CADM1: variants seen among roughly 807,000 people sequenced by gnomAD.
The protein encoded by CADM1 is TSLC-1.
CADM1 carries 15 observed loss-of-function variants against 53.1 expected under a neutral mutation model. That is an observed-to-expected ratio of 0.28 (90% CI 0.19 to 0.44). CADM1 has a LOEUF of 0.44. Among genes scored for constraint, CADM1 ranks in the 20% least tolerant of loss-of-function variants. CADM1 has a pLI of 1.00. For missense variants in CADM1, 434 were observed against 611.3 expected (o/e 0.71, Z 3.06); for synonymous variants, 281 against 243.0 (o/e 1.16, Z -1.45).
At chr11:115,471,797 T>A (rs1414875316) in intron 1 of CADM1, among the ~76,000 whole-genome samples, 2 of 152,176 alleles carry the variant, frequency 1.3e-5, no homozygotes, top group Non-Finnish European at 2.9e-5. Context: ...TACTTTAGCT[T>A]TCAATCTGCA....
intron 1 of CADM1, among the ~76,000 whole-genome samples, chr11:115,379,288 A>T (rs1230304862): frequency 6.6e-6 from 1 of 152,244 alleles, no homozygotes; most frequent in Admixed American, 6.5e-5. Context: ...AAAGATATGT[A>T]ATACTGAAGA....
rs1938831664 is a variant in CADM1 at position 115,172,693 on chromosome 11, C to T, written c.*3781G>A. Reference sequence around the variant, plus strand: ...TCTCTGCATCCCTCACCATGCTGGACATACAGCAGGTGCTCAATAACTGCA... The same window carrying T: ...TCTCTGCATCCCTCACCATGCTGGATATACAGCAGGTGCTCAATAACTGCA... On this transcript the variant is annotated 3_prime_UTR_variant, in exon 12 of 12. Transcript: ENST00000331581. The T allele has an allele frequency of 6.7e-6, 1 of 148,152 alleles. No individual in the cohort carries two copies. The highest frequency in any genetic ancestry group is 6.9e-5 in the Admixed American group (1 of 14,448). The allele number at this position is 148,152 out of a possible 1,614,324, so 9.2% of individuals were successfully genotyped here.
intron 7 of CADM1, among the ~76,000 whole-genome samples, chr11:115,212,674 AC>A (rs1236998632): frequency 6.6e-6 from 1 of 152,246 alleles, no homozygotes; most frequent in East Asian, 1.9e-4. Context: ...AAGAGAATAT[AC>A]AAAGAAAGAC....
chr11:115,185,900 G>A (rs951118755), intron 10 of CADM1, among the ~76,000 whole-genome samples: 2 of 152,172 alleles, frequency 1.3e-5, no homozygotes, highest in Admixed American at 6.5e-5. Context: ...GTGTGAGGAG[G>A]ATGGATTAAT....
intron 3 of CADM1, among the ~76,000 whole-genome samples, chr11:115,237,337 G>C (rs1942045338): frequency 6.6e-6 from 1 of 152,144 alleles, no homozygotes; most frequent in Non-Finnish European, 1.5e-5. Context: ...ATTAGAAATT[G>C]TATGGACTGG....
At chr11:115,308,737 CTTT>C (rs1259423285) in intron 1 of CADM1, among the ~76,000 whole-genome samples, 1 of 151,376 alleles carries the variant, frequency 6.6e-6, no homozygotes, top group African/African-American at 2.4e-5. Context: ...CCCTCCCTCC[CTTT>C]TTCCTTTCCT....
chr11:115,301,432 T>TA (rs1415637684), intron 1 of CADM1, among the ~76,000 whole-genome samples: 1 of 152,056 alleles, frequency 6.6e-6, no homozygotes, highest in Non-Finnish European at 1.5e-5. Context: ...TTACTAGTCT[T>TA]ACTTGAAGTC....
chr11:115,499,668 G>A (rs1458037569), intron 1 of CADM1, among the ~76,000 whole-genome samples: 5 of 152,228 alleles, frequency 3.3e-5, no homozygotes, highest in African/African-American at 7.2e-5. Context: ...AGGATCTGTC[G>A]TTAACCTAGC....
At chr11:115,338,925 A>C (rs1308385198) in intron 1 of CADM1, among the ~76,000 whole-genome samples, 2 of 114,850 alleles carry the variant, frequency 1.7e-5, no homozygotes, top group East Asian at 2.6e-4. Context: ...TCTAAGTTTT[A>C]GGGTACATGT....
At chr11:115,487,109 T>G (rs1273772913) in intron 1 of CADM1, among the ~76,000 whole-genome samples, 1 of 152,214 alleles carries the variant, frequency 6.6e-6, no homozygotes, top group East Asian at 1.9e-4. Context: ...TGCTCCAGCC[T>G]TGTTGTTTGG....
intron 1 of CADM1, among the ~76,000 whole-genome samples, chr11:115,270,520 G>C (rs1436351772): frequency 6.6e-6 from 1 of 152,088 alleles, no homozygotes. Flanking sequence ...TACAGGATTT[G>C]CTTTATTGGT....
At chr11:115,207,354 T>C (rs943319740) in intron 8 of CADM1, 27 of 152,202 alleles carry the variant, frequency 1.8e-4, no homozygotes, top group African/African-American at 5.3e-4. Context: ...AAGTTTCTGT[T>C]AGAGGTACCT....
chr11:115,177,701 T>C (rs1196984296), intron 11 of CADM1, among the ~76,000 whole-genome samples: 1 of 151,470 alleles, frequency 6.6e-6, no homozygotes, highest in Non-Finnish European at 1.5e-5. Flanking sequence ...GGCTGGGAGC[T>C]CTTGGCCAAA....
chr11:115,279,870 C>A (rs1014219478), intron 1 of CADM1, among the ~76,000 whole-genome samples: 1 of 152,108 alleles, frequency 6.6e-6, no homozygotes, highest in South Asian at 2.1e-4. Context: ...TAGCTCCTAC[C>A]CAGCTCATCA....
chr11:115,378,295 G>A (rs1273859679), intron 1 of CADM1, among the ~76,000 whole-genome samples: 1 of 152,026 alleles, frequency 6.6e-6, no homozygotes, highest in African/African-American at 2.4e-5. Context: ...AGTCAATTCC[G>A]CCACCTTGTC....
chr11:115,431,976 T>C (rs1376157965), intron 1 of CADM1, among the ~76,000 whole-genome samples: 1 of 151,774 alleles, frequency 6.6e-6, no homozygotes, highest in African/African-American at 2.4e-5. Context: ...GACAGATTCA[T>C]GCTCTGTCAC....
At chr11:115,281,163 C>G (rs1401967133) in intron 1 of CADM1, among the ~76,000 whole-genome samples, 4 of 152,128 alleles carry the variant, frequency 2.6e-5, no homozygotes, top group Non-Finnish European at 5.9e-5. Context: ...ATCTTTTTGC[C>G]TGAGCATTCC....
chr11:115,188,379 C>CTACA (rs1413740868), intron 10 of CADM1, among the ~76,000 whole-genome samples: 4 of 152,190 alleles, frequency 2.6e-5, no homozygotes, highest in African/African-American at 9.6e-5. Context: ...AATCACTGAA[C>CTACA]TACATACGAG....
At chr11:115,339,522 C>T (rs920789509) in intron 1 of CADM1, among the ~76,000 whole-genome samples, 2 of 152,070 alleles carry the variant, frequency 1.3e-5, no homozygotes, top group Non-Finnish European at 2.9e-5. Context: ...AAAAATCAAA[C>T]AAATGTAATC....
Sources: allele counts gnomAD v4.1 joint callset (sites outside exome capture counted in the v4.1 genomes callset), GRCh38; gene constraint gnomAD v4.1.1; transcripts MANE v1.5; gene names NCBI Gene and HGNC (gene_info 2026-07-23, HGNC 2026-07-21).